The following ZNF407 variants were observed in gnomAD, a reference collection of about 807,000 sequenced individuals.
ZNF407 encodes zinc finger protein 407.
A neutral mutation model predicts 131.2 loss-of-function variants in ZNF407; 17 were observed. The observed-to-expected ratio is 0.13, with a 90% confidence interval of 0.09 to 0.19. The LOEUF is 0.19. Among genes scored for constraint, ZNF407 ranks in the 10% least tolerant of loss-of-function variants. The pLI is 1.00. For missense variants in ZNF407, 2,681 were observed against 2,830.6 expected (o/e 0.95, Z 1.20); for synonymous variants, 1,156 against 1,062.0 (o/e 1.09, Z -1.72).
intron 8 of ZNF407, among the ~76,000 whole-genome samples, chr18:74,927,813 C>T: frequency 6.7e-6 from 1 of 148,174 alleles, no homozygotes; most frequent in South Asian, 2.1e-4. Flanking sequence ...AATCTCATAA[C>T]AACAAACATA....
Position 74,866,046 on chromosome 18 carries a change from G to T in ZNF407, c.4878-11151G>T, listed in dbSNP as rs1057446959. On this transcript the variant is annotated intron_variant, in intron 4 of 8. Coordinates refer to ENST00000299687, the MANE Select transcript of ZNF407 (RefSeq NM_017757.3). ...TTGTTTTTATGTTAATTCAATCTTT[G>T]TATTTTCCCTTGAACTTACGATTTA... Among the ~76,000 whole-genome samples the T allele has an allele frequency of 4.5e-4, 68 of 152,196 alleles. 1 individual carries two copies. The highest frequency in any genetic ancestry group is 1.6e-3 in the African/African-American group (65 of 41,540).
intron 4 of ZNF407, chr18:74,804,330 G>A (rs981315559): frequency 2.0e-5 from 22 of 1,097,622 alleles, no homozygotes; most frequent in Middle Eastern, 4.0e-4. Context: ...TAATGATTCA[G>A]GGTTTATTTA....
intron 6 of ZNF407, among the ~76,000 whole-genome samples, chr18:74,885,844 T>C (rs1318401003): frequency 6.6e-6 from 1 of 152,172 alleles, no homozygotes; most frequent in African/African-American, 2.4e-5. Flanking sequence ...AATGTAAAAC[T>C]TAAAACTATA....
intron 4 of ZNF407, among the ~76,000 whole-genome samples, chr18:74,790,579 C>G (rs939565127): frequency 2.6e-5 from 4 of 152,134 alleles, no homozygotes; most frequent in African/African-American, 9.7e-5. Context: ...TTTTAGAACA[C>G]TGGGGCTTAT....
chr18:74,896,549 G>A (rs548335580), intron 7 of ZNF407, among the ~76,000 whole-genome samples: 21 of 152,088 alleles, frequency 1.4e-4, no homozygotes, highest in Non-Finnish European at 2.5e-4. Flanking sequence ...TGGTCAGATC[G>A]CCCCTTCCTG....
At chr18:74,621,391 C>A (rs1191729244) in intron 1 of ZNF407, among the ~76,000 whole-genome samples, 1 of 152,092 alleles carries the variant, frequency 6.6e-6, no homozygotes, top group Non-Finnish European at 1.5e-5. Context: ...GCTTCTGGCT[C>A]CGGGTCTGTC....
chr18:74,958,987 T>A (rs1294426493), intron 8 of ZNF407, among the ~76,000 whole-genome samples: 2 of 152,310 alleles, frequency 1.3e-5, no homozygotes, highest in East Asian at 3.9e-4. Flanking sequence ...CTTTAATAAC[T>A]TTTCTTCTTC....
chr18:74,645,732 A>G (rs192264981), intron 3 of ZNF407, among the ~76,000 whole-genome samples: 4 of 150,548 alleles, frequency 2.7e-5, no homozygotes, highest in African/African-American at 7.3e-5. Context: ...TTATAATGTC[A>G]CTTTCTGACC....
chr18:74,719,625 G>A (rs928897588), intron 3 of ZNF407, among the ~76,000 whole-genome samples: 1 of 152,074 alleles, frequency 6.6e-6, no homozygotes, highest in African/African-American at 2.4e-5. Context: ...GGATGATCTC[G>A]ATCTCCTGAC....
chr18:74,704,755 C>A (rs892537576), intron 3 of ZNF407, among the ~76,000 whole-genome samples: 2 of 152,150 alleles, frequency 1.3e-5, no homozygotes, highest in Non-Finnish European at 2.9e-5. Flanking sequence ...ATTAGAAACA[C>A]TTAGTGTTTC....
chr18:74,636,654 C>T (rs17055276), intron 2 of ZNF407, among the ~76,000 whole-genome samples: 2,921 of 152,066 alleles, frequency 0.019, 98 homozygotes, highest in African/African-American at 0.067. Context: ...TGCATGGTTA[C>T]GAGGAAGAAG....
intron 2 of ZNF407, among the ~76,000 whole-genome samples, chr18:74,637,045 G>C (rs1417045504): frequency 2.0e-5 from 3 of 152,192 alleles, no homozygotes; most frequent in Non-Finnish European, 2.9e-5. Flanking sequence ...TTATGCAACT[G>C]TCTGGTCAAG....
intron 3 of ZNF407, among the ~76,000 whole-genome samples, chr18:74,740,061 T>G (rs1217455618): frequency 6.6e-6 from 1 of 152,188 alleles, no homozygotes; most frequent in Non-Finnish European, 1.5e-5. Flanking sequence ...AACAACAGAT[T>G]GTTTTTTCAC....
intron 8 of ZNF407, among the ~76,000 whole-genome samples, chr18:74,974,599 C>T (rs1198130974): frequency 6.6e-6 from 1 of 152,202 alleles, no homozygotes; most frequent in African/African-American, 2.4e-5. Flanking sequence ...GTAGCATTCA[C>T]TACAGCTTAC....
At chr18:74,894,567 G>A (rs1295658841) in intron 7 of ZNF407, among the ~76,000 whole-genome samples, 1 of 152,062 alleles carries the variant, frequency 6.6e-6, no homozygotes, top group African/African-American at 2.4e-5. Flanking sequence ...CCACATCAGA[G>A]TGGATGTGTT....
At chr18:74,932,400 G>A (rs1351146217) in intron 8 of ZNF407, among the ~76,000 whole-genome samples, 2 of 152,130 alleles carry the variant, frequency 1.3e-5, no homozygotes, top group Non-Finnish European at 2.9e-5. Flanking sequence ...CTGAAATTAA[G>A]CATGCATGGG....
At chr18:74,846,988 A>G in intron 4 of ZNF407, among the ~76,000 whole-genome samples, 1 of 121,222 alleles carries the variant, frequency 8.2e-6, no homozygotes, top group East Asian at 2.9e-4. Context: ...AGCAAGACTT[A>G]GTCTCAAAAA....
intron 3 of ZNF407, among the ~76,000 whole-genome samples, chr18:74,704,735 G>A (rs1967583990): frequency 6.6e-6 from 1 of 152,162 alleles, no homozygotes; most frequent in South Asian, 2.1e-4. Context: ...TTAGCAAGAT[G>A]TTTTCTTGCA....
At chr18:74,763,705 A>ATTTTT (rs11340257) in intron 3 of ZNF407, among the ~76,000 whole-genome samples, 2 of 70,210 alleles carry the variant, frequency 2.8e-5, no homozygotes, top group African/African-American at 5.2e-5. Context: ...CTTATCTTTG[A>ATTTTT]TTTTTTTTTT....
Sources: allele counts gnomAD v4.1 joint callset (sites outside exome capture counted in the v4.1 genomes callset), GRCh38; gene constraint gnomAD v4.1.1; transcripts MANE v1.5; gene names NCBI Gene and HGNC (gene_info 2026-07-23, HGNC 2026-07-21).